PTPRO: variants seen among roughly 807,000 people sequenced by gnomAD.
The protein encoded by PTPRO is receptor-type tyrosine-protein phosphatase O.
PTPRO carries 62 observed loss-of-function variants against 145.2 expected under a neutral mutation model. The ratio of observed to expected loss-of-function variants is 0.43; its 90% CI spans 0.35 to 0.53. The LOEUF is 0.53. PTPRO is among the 20% of genes least tolerant of loss of function. The probability of loss-of-function intolerance (pLI) is 0.01; values close to 1 mark genes in which losing one functional copy is unlikely to be tolerated. For synonymous variants in PTPRO, 565 were observed against 514.7 expected (o/e 1.10, Z -1.32); for missense variants, 1,345 against 1,482.7 (o/e 0.91, Z 1.53).
intron 1 of PTPRO, among the ~76,000 whole-genome samples, chr12:15,346,277 A>G (rs1268780473): frequency 1.3e-5 from 2 of 152,168 alleles, no homozygotes; most frequent in African/African-American, 2.4e-5. Context: ...AGAACAAACC[A>G]TGTCATAGAG....
At chr12:15,355,125 A>G (rs908608519) in intron 1 of PTPRO, among the ~76,000 whole-genome samples, 2 of 152,192 alleles carry the variant, frequency 1.3e-5, no homozygotes, top group African/African-American at 4.8e-5. Flanking sequence ...AAGTAAGACC[A>G]CTACGGCTCA....
intron 1 of PTPRO, among the ~76,000 whole-genome samples, chr12:15,482,123 G>A (rs7304043): frequency 0.017 from 2,590 of 151,960 alleles, 93 homozygotes; most frequent in African/African-American, 0.06. Flanking sequence ...CCAGCAGAGG[G>A]TGAATGGATA....
intron 1 of PTPRO, among the ~76,000 whole-genome samples, chr12:15,436,060 G>C (rs1005463948): frequency 6.6e-6 from 1 of 152,182 alleles, no homozygotes; most frequent in African/African-American, 2.4e-5. Flanking sequence ...CAGAAATAAA[G>C]ATGTTCTTTG....
chr12:15,518,347 G>A (rs2136509822), intron 9 of PTPRO, among the ~76,000 whole-genome samples: 1 of 152,324 alleles, frequency 6.6e-6, no homozygotes, highest in East Asian at 1.9e-4. Flanking sequence ...GGGACCCTGG[G>A]CCTGGGCCAC....
intron 19 of PTPRO, among the ~76,000 whole-genome samples, chr12:15,573,132 C>A (rs1944097538): frequency 6.6e-6 from 1 of 152,016 alleles, no homozygotes; most frequent in South Asian, 2.1e-4. Context: ...AAGGTATTGG[C>A]TTTTGAGGTT....
At chr12:15,522,817 A>T (rs1251049411) in intron 10 of PTPRO, among the ~76,000 whole-genome samples, 1 of 152,362 alleles carries the variant, frequency 6.6e-6, no homozygotes, top group East Asian at 1.9e-4. Context: ...TTAAAGCAAC[A>T]ACATGGAAAT....
At chr12:15,419,648 G>A (rs1478654867) in intron 1 of PTPRO, among the ~76,000 whole-genome samples, 1 of 151,398 alleles carries the variant, frequency 6.6e-6, no homozygotes, top group African/African-American at 2.4e-5. Context: ...GCATTTACTT[G>A]TTGATGCCCT....
chr12:15,350,985 C>T (rs1937783292), intron 1 of PTPRO, among the ~76,000 whole-genome samples: 2 of 152,032 alleles, frequency 1.3e-5, no homozygotes, highest in South Asian at 4.1e-4. Flanking sequence ...TTTTTCCCTC[C>T]CCTCTTTATC....
At chr12:15,361,674 CTAAA>C (rs1284283515) in intron 1 of PTPRO, among the ~76,000 whole-genome samples, 1 of 151,970 alleles carries the variant, frequency 6.6e-6, no homozygotes, top group Non-Finnish European at 1.5e-5. Context: ...AGCAGAATGA[CTAAA>C]TGAATGAATG....
chr12:15,478,961 A>G (rs1420877179), intron 1 of PTPRO, among the ~76,000 whole-genome samples: 1 of 152,086 alleles, frequency 6.6e-6, no homozygotes, highest in Non-Finnish European at 1.5e-5. Flanking sequence ...GTGAGCCACC[A>G]GGCCCGGCCA....
chr12:15,430,659 C>A (rs1359976679), intron 1 of PTPRO, among the ~76,000 whole-genome samples: 1 of 152,068 alleles, frequency 6.6e-6, no homozygotes. Context: ...ATCTATTGTA[C>A]ATCATGGATG....
intron 1 of PTPRO, among the ~76,000 whole-genome samples, chr12:15,374,119 A>G (rs1469696940): frequency 3.3e-5 from 5 of 152,196 alleles, no homozygotes; most frequent in Admixed American, 3.3e-4. Context: ...CATATTTATT[A>G]CCTAGTTTTA....
chr12:15,497,781 C>T (rs1483071686), intron 3 of PTPRO, among the ~76,000 whole-genome samples: 2 of 152,164 alleles, frequency 1.3e-5, no homozygotes, highest in South Asian at 2.1e-4. Context: ...CAGAGTGGTG[C>T]CTTTTGCAAA....
chr12:15,580,197 G>C, intron 21 of PTPRO, 82 bp downstream of exon 21: 2 of 1,089,134 alleles, frequency 1.8e-6, no homozygotes, highest in African/African-American at 1.5e-5. Flanking sequence ...GTGTCAAACA[G>C]TTCAAAAGAG....
intron 8 of PTPRO, among the ~76,000 whole-genome samples, chr12:15,515,824 G>A (rs868294187): frequency 6.6e-6 from 1 of 151,904 alleles, no homozygotes; most frequent in African/African-American, 2.4e-5. Context: ...AAAATCAGAG[G>A]CAAACATTCT....
chr12:15,415,143 C>T (rs566443777), intron 1 of PTPRO, among the ~76,000 whole-genome samples: 14 of 152,242 alleles, frequency 9.2e-5, no homozygotes, highest in East Asian at 3.9e-4. Context: ...TGCCAATTCA[C>T]GCGTCACATG....
rs751486834 is a variant in PTPRO at position 15,580,677 on chromosome 12, T to C, written c.2998-20T>C. The stretch of plus-strand genomic sequence containing the variant: ...TTGACAGTGTCTGGTTAGGTGATAA[T>C]TTTGTCACTTATCTTTCAGGGATAC... On this transcript the variant is annotated intron_variant, in intron 21 of 26. Transcript: ENST00000281171. 2.0e-5 allele frequency: 33 copies of C among 1,613,902 alleles called. No homozygotes were observed. The South Asian group carries it at 3.6e-4, about 18-fold the overall frequency.
chr12:15,525,255 T>G (rs764006186), intron 11 of PTPRO, among the ~76,000 whole-genome samples: 4 of 152,222 alleles, frequency 2.6e-5, no homozygotes, highest in Non-Finnish European at 4.4e-5. Flanking sequence ...AAAACTACAA[T>G]TAACGTGTTT....
At chr12:15,361,175 C>A (rs1420995556) in intron 1 of PTPRO, among the ~76,000 whole-genome samples, 1 of 151,596 alleles carries the variant, frequency 6.6e-6, no homozygotes, top group Non-Finnish European at 1.5e-5. Context: ...TGGTGGCTCA[C>A]GTCTGTAATC....
Sources: allele counts gnomAD v4.1 joint callset (sites outside exome capture counted in the v4.1 genomes callset), GRCh38; gene constraint gnomAD v4.1.1; transcripts MANE v1.5; gene names NCBI Gene and HGNC (gene_info 2026-07-23, HGNC 2026-07-21).